KLHL1: variants seen among roughly 807,000 people sequenced by gnomAD.
KLHL1 encodes the protein kelch-like protein 1.
In KLHL1, 47 loss-of-function variants were observed where a neutral mutation model predicts 77.7. That is an observed-to-expected ratio of 0.60 (90% CI 0.48 to 0.77). KLHL1 has a LOEUF of 0.77. KLHL1 is among the 30% of genes least tolerant of loss of function. The pLI, the probability that KLHL1 is intolerant of heterozygous loss-of-function variation, is 0.00. For synonymous variants in KLHL1, 360 were observed against 325.2 expected (o/e 1.11, Z -1.15); for missense variants, 925 against 910.8 (o/e 1.02, Z -0.20).
chr13:70,106,229 A>C (rs1261091825), intron 1 of KLHL1, among the ~76,000 whole-genome samples: 1 of 151,950 alleles, frequency 6.6e-6, no homozygotes, highest in African/African-American at 2.4e-5. Flanking sequence ...AGTAATTAAA[A>C]TTTCTTAATA....
chr13:69,930,764 T>A (rs1269889281), intron 4 of KLHL1, among the ~76,000 whole-genome samples: 1 of 151,716 alleles, frequency 6.6e-6, no homozygotes, highest in Non-Finnish European at 1.5e-5. Context: ...AAGTGTGGAT[T>A]TTTAAAACAA....
intron 4 of KLHL1, among the ~76,000 whole-genome samples, chr13:69,889,859 A>T (rs918626711): frequency 1.3e-5 from 2 of 152,090 alleles, no homozygotes; most frequent in Non-Finnish European, 2.9e-5. Context: ...AGAAAGGAAC[A>T]CATAAGTGTT....
chr13:69,876,752 T>A (rs533156344), intron 5 of KLHL1, among the ~76,000 whole-genome samples: 50 of 152,264 alleles, frequency 3.3e-4, no homozygotes, highest in African/African-American at 1.1e-3. Flanking sequence ...AGATAAAAAA[T>A]ACCGGCCTGG....
At chr13:69,810,304 G>A (rs1183283430) in intron 6 of KLHL1, among the ~76,000 whole-genome samples, 1 of 151,942 alleles carries the variant, frequency 6.6e-6, no homozygotes, top group African/African-American at 2.4e-5. Flanking sequence ...AGCAAGTATT[G>A]ATAAATTAAA....
chr13:70,036,700 T>G (rs1886246268), intron 1 of KLHL1, among the ~76,000 whole-genome samples: 1 of 151,922 alleles, frequency 6.6e-6, no homozygotes, highest in African/African-American at 2.4e-5. Flanking sequence ...GGATATTCCC[T>G]TATTTAAATT....
At chr13:69,761,862 A>G (rs561627185) in intron 7 of KLHL1, among the ~76,000 whole-genome samples, 65 of 152,302 alleles carry the variant, frequency 4.3e-4, no homozygotes, top group African/African-American at 1.5e-3. Flanking sequence ...AGATAAAATG[A>G]TCCAAATTAT....
chr13:69,860,646 A>G (rs1417624288), intron 5 of KLHL1, among the ~76,000 whole-genome samples: 2 of 151,772 alleles, frequency 1.3e-5, no homozygotes, highest in African/African-American at 4.8e-5. Context: ...TATTCCTCAA[A>G]ACATTATATT....
At chr13:69,857,757 T>A (rs1488317248) in intron 5 of KLHL1, among the ~76,000 whole-genome samples, 1 of 151,894 alleles carries the variant, frequency 6.6e-6, no homozygotes, top group Non-Finnish European at 1.5e-5. Context: ...AATTTTAATA[T>A]TTGGAAAAGA....
chr13:70,040,940 C>T (rs1035635317), intron 1 of KLHL1, among the ~76,000 whole-genome samples: 44 of 152,102 alleles, frequency 2.9e-4, no homozygotes, highest in African/African-American at 1.1e-3. Context: ...TCTTTTCTCT[C>T]TGTTTGTTTT....
At chr13:69,882,630 A>C (rs10507774) in intron 4 of KLHL1, 135 bp from the exon 5 acceptor site, 17,507 of 629,932 alleles carry the variant, frequency 0.028, 883 homozygotes, top group African/African-American at 0.17. Context: ...ATCCTTCAGA[A>C]ACTAGAGGCT....
At chr13:69,949,135 A>G (rs1037336246) in intron 3 of KLHL1, among the ~76,000 whole-genome samples, 1 of 151,966 alleles carries the variant, frequency 6.6e-6, no homozygotes, top group African/African-American at 2.4e-5. Context: ...TACGTGTTAT[A>G]TTAATGAACA....
chr13:69,958,440 T>G (rs1883960265), intron 3 of KLHL1, among the ~76,000 whole-genome samples: 1 of 148,254 alleles, frequency 6.7e-6, no homozygotes, highest in South Asian at 2.2e-4. Flanking sequence ...ATAAAAGTTA[T>G]TTTTTCAAAG....
At position 69,740,329 on chromosome 13, in the gene KLHL1, T is replaced by C. The variant is rs1380554899; in HGVS notation, c.1802+65A>G. The stretch of plus-strand genomic sequence containing the variant: ...TTTACCAGCTTATTAAAACTTATTT[T>C]TCAAATAATATTTACCCAATAACTT... On this transcript the variant is annotated intron_variant, in intron 8 of 10. Coordinates refer to ENST00000377844, the MANE Select transcript of KLHL1 (RefSeq NM_020866.3). 13 of 1,130,226 alleles carry C rather than the reference T, an allele frequency of 1.2e-5. No individual in the cohort carries two copies. In the African/African-American group the frequency reaches 1.6e-4, roughly 14 times the overall value. The allele number at this position is 1,130,226 out of a possible 1,614,324, so 70.0% of individuals were successfully genotyped here.
chr13:69,723,581 A>G (rs1054627449), intron 8 of KLHL1, among the ~76,000 whole-genome samples: 2 of 152,048 alleles, frequency 1.3e-5, no homozygotes, highest in African/African-American at 2.4e-5. Context: ...TCTTGGCCAA[A>G]GGCACTCTCG....
At chr13:69,972,474 G>T (rs1229611695) in intron 2 of KLHL1, among the ~76,000 whole-genome samples, 3 of 151,604 alleles carry the variant, frequency 2.0e-5, no homozygotes, top group Non-Finnish European at 3.0e-5. Flanking sequence ...GTTTTCATTT[G>T]ATCATGAACA....
chr13:69,779,600 A>G (rs1465991995), intron 7 of KLHL1, among the ~76,000 whole-genome samples: 2 of 151,912 alleles, frequency 1.3e-5, no homozygotes, highest in African/African-American at 4.8e-5. Flanking sequence ...ATAAAATGAG[A>G]GAAAATGAAC....
chr13:70,052,924 A>G (rs1438132713), intron 1 of KLHL1, among the ~76,000 whole-genome samples: 1 of 152,044 alleles, frequency 6.6e-6, no homozygotes, highest in Non-Finnish European at 1.5e-5. Flanking sequence ...ATCTATTGTG[A>G]TATTCACAAT....
chr13:70,020,177 G>T (rs1256985221), intron 1 of KLHL1, among the ~76,000 whole-genome samples: 4 of 151,964 alleles, frequency 2.6e-5, no homozygotes, highest in African/African-American at 9.7e-5. Context: ...AGGATAAATG[G>T]ACAAAAAGAT....
chr13:70,083,683 T>A (rs939258042), intron 1 of KLHL1, among the ~76,000 whole-genome samples: 1 of 152,244 alleles, frequency 6.6e-6, no homozygotes, highest in African/African-American at 2.4e-5. Context: ...ATAGAAAATT[T>A]GATAATTATG....
Sources: gnomAD v4.1 joint callset for allele counts (sites outside exome capture counted in the v4.1 genomes callset) on GRCh38, gnomAD v4.1.1 for gene constraint, MANE v1.5 for transcripts, NCBI Gene and HGNC (gene_info 2026-07-23, HGNC 2026-07-21) for gene names.